The following ARHGEF9 variants were observed in gnomAD, a reference collection of about 807,000 sequenced individuals.
ARHGEF9 encodes the protein rho guanine nucleotide exchange factor 9.
Under a neutral mutation model 41.3 loss-of-function variants are expected in ARHGEF9, and 2 were observed. The observed-to-expected ratio is 0.05, with a 90% CI of 0.02 to 0.15. ARHGEF9 has a LOEUF of 0.15. Among genes scored for constraint, ARHGEF9 ranks in the 10% least tolerant of loss-of-function variants. The probability of loss-of-function intolerance (pLI) is 1.00; values close to 1 mark genes in which losing one functional copy is unlikely to be tolerated. For missense variants in ARHGEF9, 225 were observed against 424.7 expected, an observed-to-expected ratio of 0.53 and a Z score of 4.13; for synonymous variants, 160 against 154.4, an observed-to-expected ratio of 1.04 and a Z score of -0.27.
At chrX:63,690,418 G>A (rs1215598183) in intron 4 of ARHGEF9, among the ~76,000 whole-genome samples, 2 of 110,944 alleles carry the variant, frequency 1.8e-5, no homozygotes, top group Non-Finnish European at 3.8e-5. Flanking sequence ...TACATATGAC[G>A]TACCAAGATT....
intron 4 of ARHGEF9, among the ~76,000 whole-genome samples, chrX:63,682,388 G>A (rs1173924965): frequency 3.0e-4 from 33 of 109,737 alleles, no homozygotes; most frequent in Non-Finnish European, 5.1e-4. Context: ...GGTGGCGGGC[G>A]CCTGTAGTCC....
intron 4 of ARHGEF9, among the ~76,000 whole-genome samples, chrX:63,693,697 A>C: frequency 9.1e-6 from 1 of 110,163 alleles, no homozygotes; most frequent in Non-Finnish European, 1.9e-5. Context: ...AAAACTAAAC[A>C]ATAAAAAAAC....
chrX:63,773,885 T>C (rs2147818209), intron 1 of ARHGEF9, among the ~76,000 whole-genome samples: 1 of 110,412 alleles, frequency 9.1e-6, no homozygotes, highest in African/African-American at 3.3e-5. Flanking sequence ...GTGTCTCAAG[T>C]CTGATGGCTT....
At chrX:63,699,166 T>C (rs1569477863) in intron 3 of ARHGEF9, among the ~76,000 whole-genome samples, 1 of 111,827 alleles carries the variant, frequency 8.9e-6, no homozygotes, top group Non-Finnish European at 1.9e-5. Flanking sequence ...GCATATCATC[T>C]CAACATTAAA....
intron 9 of ARHGEF9, chrX:63,639,967 G>C (rs782581951): frequency 8.9e-6 from 1 of 111,900 alleles, no homozygotes. Context: ...TGGAAGGATG[G>C]TGTTAGGGAA....
chrX:63,664,456 C>T (rs2049397449), intron 7 of ARHGEF9, among the ~76,000 whole-genome samples: 1 of 112,451 alleles, frequency 8.9e-6, no homozygotes, highest in Non-Finnish European at 1.9e-5. Flanking sequence ...TGTTTACTGC[C>T]TCTATGGCTA....
chrX:63,739,133 T>A (rs2054792890), intron 1 of ARHGEF9, among the ~76,000 whole-genome samples: 1 of 111,615 alleles, frequency 9.0e-6, no homozygotes, highest in African/African-American at 3.3e-5. Context: ...TCAAATATAT[T>A]TCCTTAGATC....
intron 3 of ARHGEF9, among the ~76,000 whole-genome samples, chrX:63,699,382 T>C (rs1205282345): frequency 9.0e-6 from 1 of 111,675 alleles, no homozygotes; most frequent in Non-Finnish European, 1.9e-5. Flanking sequence ...GTTCAGAAAA[T>C]ATTTAATAGT....
chrX:63,774,954 T>G (rs782628131), intron 1 of ARHGEF9, among the ~76,000 whole-genome samples: 165 of 111,980 alleles, frequency 1.5e-3, no homozygotes, highest in Non-Finnish European at 2.7e-3. Context: ...TACAAGGAAC[T>G]TATACAAATC....
chrX:63,766,852 G>C, intron 1 of ARHGEF9: 1 of 315,144 alleles, frequency 3.2e-6, no homozygotes, highest in Non-Finnish European at 5.8e-6. Flanking sequence ...TCCCCCACGC[G>C]GCCCCTCATC....
chrX:63,757,386 C>A (rs1208476117), intron 1 of ARHGEF9, among the ~76,000 whole-genome samples: 2 of 111,457 alleles, frequency 1.8e-5, no homozygotes, highest in South Asian at 3.8e-4. Flanking sequence ...TTCTGGATAT[C>A]TCCTCCTTAG....
At chrX:63,783,541 C>A (rs1449847000) in intron 1 of ARHGEF9, among the ~76,000 whole-genome samples, 9 of 111,758 alleles carry the variant, frequency 8.1e-5, no homozygotes, top group Admixed American at 7.5e-4. Flanking sequence ...CAGGCGTGGG[C>A]GGCCGCGCCC....
chrX:63,640,850 G>T (rs2047584213), intron 9 of ARHGEF9: 1 of 111,453 alleles, frequency 9.0e-6, no homozygotes, highest in Admixed American at 9.5e-5. Context: ...GCTCAAGGAA[G>T]CCAGCTTTCA....
chrX:63,759,162 A>T (rs1556448563), intron 1 of ARHGEF9, among the ~76,000 whole-genome samples: 2 of 111,099 alleles, frequency 1.8e-5, no homozygotes, highest in African/African-American at 6.6e-5. Context: ...TAAGTCTCAA[A>T]AGTACTTTTG....
In ARHGEF9 at chrX:63,635,998, C is replaced by A. The variant is rs1185594552; in HGVS notation, c.*2030G>T. On this transcript the variant is annotated 3_prime_UTR_variant, in exon 10 of 10. Coordinates refer to ENST00000671741, the MANE Select transcript of ARHGEF9 (RefSeq NM_001353921.2). Reference sequence around the variant, plus strand: ...CCAGTCCCGAGCCCCGGCCCTCTCCCCAGATCAGGCTCATCCTTGACTTAT... The same window carrying A: ...CCAGTCCCGAGCCCCGGCCCTCTCCACAGATCAGGCTCATCCTTGACTTAT... 2 of 112,741 alleles carry A rather than the reference C, an allele frequency of 1.8e-5. No homozygotes were observed. Among genetic ancestry groups the A allele is most frequent in the Middle Eastern group, 4.2e-3 (1 of 236 alleles). The allele number at this position is 112,741 out of a possible 1,213,427, so 9.3% of individuals were successfully genotyped here. A position where few individuals can be genotyped will look rare whatever the true frequency, so the allele number is the denominator to read the frequency against.
intron 6 of ARHGEF9, among the ~76,000 whole-genome samples, chrX:63,671,728 C>T (rs782177044): frequency 1.8e-5 from 2 of 112,506 alleles, no homozygotes; most frequent in South Asian, 7.3e-4. Flanking sequence ...TGCATATGTG[C>T]ATGTGTATAC....
In ARHGEF9 at chrX:63,722,621, TC is replaced by T. The variant is rs1287851284; in HGVS notation, c.210+1910del. On this transcript the variant is annotated intron_variant, in intron 2 of 9. Coordinates refer to ENST00000671741, the MANE Select transcript of ARHGEF9 (RefSeq NM_001353921.2). ...AGCCATCCTGGCTTGCTCAATCATT[TC>T]CCCCCATCCTTGGATTTACTATTTA... The T allele has an allele frequency of 1.2e-4, 13 of 110,842 alleles. 1 individual carries two copies. Among genetic ancestry groups the T allele is most frequent in the Non-Finnish European group, 2.5e-4 (13 of 52,951 alleles). 9.1% of individuals were successfully genotyped at this position (110,842 alleles called of 1,213,427 possible).
intron 1 of ARHGEF9, among the ~76,000 whole-genome samples, chrX:63,726,198 T>A (rs1242411733): frequency 8.9e-6 from 1 of 111,821 alleles, no homozygotes; most frequent in Non-Finnish European, 1.9e-5. Flanking sequence ...AGATAAAAAA[T>A]AAATTTCCAG....
intron 1 of ARHGEF9, among the ~76,000 whole-genome samples, chrX:63,767,726 A>G (rs1273388361): frequency 1.8e-5 from 2 of 112,397 alleles, no homozygotes; most frequent in African/African-American, 6.5e-5. Context: ...CTTTCTTAAG[A>G]CATACTGTAT....
Sources: allele counts gnomAD v4.1 joint callset (sites outside exome capture counted in the v4.1 genomes callset), GRCh38; gene constraint gnomAD v4.1.1; transcripts MANE v1.5; gene names NCBI Gene and HGNC (gene_info 2026-07-23, HGNC 2026-07-21).